HDAC4: variants seen among roughly 807,000 people sequenced by gnomAD.
HDAC4 encodes the protein histone deacetylase A.
In HDAC4, 16 loss-of-function variants were observed where a neutral mutation model predicts 135.1. That is an observed-to-expected ratio of 0.12 (90% CI 0.08 to 0.18). HDAC4 has a LOEUF of 0.18. Among genes scored for constraint, HDAC4 ranks in the 10% least tolerant of loss-of-function variants. HDAC4 has a pLI of 1.00. For missense variants in HDAC4, 1,143 were observed against 1,511.8 expected, an observed-to-expected ratio of 0.76 and a Z score of 4.05; for synonymous variants, 685 against 653.4, an observed-to-expected ratio of 1.05 and a Z score of -0.74.
In HDAC4 at chr2:239,051,971, T is replaced by G. The variant is rs906799669; in HGVS notation, c.*1126A>C. ...TATATATTATACATATATATATTTA[T>G]TTATACCTAAAATTTAAGCAATACT... On this transcript the variant is annotated 3_prime_UTR_variant, in exon 27 of 27. Transcript: ENST00000543185. 6.6e-6 allele frequency: 1 copy of G among 152,020 alleles called. No homozygotes were observed. The highest frequency in any genetic ancestry group is 2.4e-5 in the African/African-American group (1 of 41,344). 9.4% of individuals were successfully genotyped at this position (152,020 alleles called of 1,614,324 possible).
intron 2 of HDAC4, among the ~76,000 whole-genome samples, chr2:239,273,285 C>T (rs775970236): frequency 1.1e-4 from 17 of 152,138 alleles, no homozygotes; most frequent in Non-Finnish European, 2.4e-4. Context: ...ATGAGAGTAA[C>T]AGCAGCAAAG....
chr2:239,118,463 C>T (rs927905849), intron 12 of HDAC4, among the ~76,000 whole-genome samples: 12 of 152,108 alleles, frequency 7.9e-5, no homozygotes, highest in Non-Finnish European at 1.5e-4. Flanking sequence ...AAGCCAAACT[C>T]GCAGGGAGGA....
At position 239,309,918 on chromosome 2, in the gene HDAC4, G is replaced by A. The variant is rs1341774051; in HGVS notation, c.22+42760C>T. Among the ~76,000 whole-genome samples, 2 of 152,314 alleles carry A rather than the reference G, an allele frequency of 1.3e-5. No homozygotes were observed. Among genetic ancestry groups the A allele is most frequent in the African/African-American group, 4.8e-5 (2 of 41,566 alleles). On this transcript the variant is annotated intron_variant, in intron 2 of 26. Coordinates refer to ENST00000543185, the MANE Select transcript of HDAC4 (RefSeq NM_001378414.1). The surrounding 1 kb of genome is among the most constrained non-coding windows in gnomAD (Gnocchi z 4.2). Reference sequence around the variant, plus strand: ...TCCCATGCTGCTGCCTGGTCCCATGGGGCATGAAGGGAGGGTGGCCAGGGT... The same window carrying A: ...TCCCATGCTGCTGCCTGGTCCCATGAGGCATGAAGGGAGGGTGGCCAGGGT...
At chr2:239,138,011 A>G (rs909864936) in intron 9 of HDAC4, among the ~76,000 whole-genome samples, 3 of 152,236 alleles carry the variant, frequency 2.0e-5, no homozygotes, top group African/African-American at 7.2e-5. Context: ...TACCATGTAC[A>G]TAAGTGCCTC....
Position 239,053,106 on chromosome 2 carries a change from C to A in HDAC4, c.3261G>T (p.Pro1087=), listed in dbSNP as rs756905519. Residue 1087 remains proline (P), a synonymous_variant, in exon 27 of 27, where the codon CCG becomes CCT. Coordinates refer to ENST00000543185, the MANE Select transcript of HDAC4 (RefSeq NM_001378414.1). ...CAGCTTCGAGGGAGTGCTACAGGGGCGGCTCCTCTTCCATGGGCTCCTCAT... is the reference window on the plus strand; with the variant it reads ...CAGCTTCGAGGGAGTGCTACAGGGGAGGCTCCTCTTCCATGGGCTCCTCAT... ...RPDEEPMEEE[P]PL is the part of the protein sequence containing the mutation. 3.1e-6 allele frequency: 5 copies of A among 1,614,212 alleles called. No individual in the cohort carries two copies. Among genetic ancestry groups the A allele is most frequent in the Non-Finnish European group, 4.2e-6 (5 of 1,180,024 alleles).
chr2:239,050,768 T>C lies in HDAC4; in HGVS notation c.*2329A>G, dbSNP rs2030725881. 3.9e-5 allele frequency: 6 copies of C among 152,570 alleles called. No homozygotes were observed. Among genetic ancestry groups the C allele is most frequent in the Admixed American group, 2.0e-4 (3 of 15,280 alleles). The allele number at this position is 152,570 out of a possible 1,614,324, so 9.5% of individuals were successfully genotyped here. A position where few individuals can be genotyped will look rare whatever the true frequency, so the allele number is the denominator to read the frequency against. ...CCCAATATACACTTTGGAATGAAAC[T>C]GGTGGCTTCATGTGCTGGAAAATAA... On this transcript the variant is annotated 3_prime_UTR_variant, in exon 27 of 27. Coordinates refer to ENST00000543185, the MANE Select transcript of HDAC4 (RefSeq NM_001378414.1).
chr2:239,141,430 G>A lies in HDAC4; in HGVS notation c.866-1634C>T, dbSNP rs2041369942. 6.6e-6 allele frequency among the ~76,000 whole-genome samples: 1 copy of A among 152,080 alleles called. No individual in the cohort carries two copies. Among genetic ancestry groups the A allele is most frequent in the South Asian group, 2.1e-4 (1 of 4,816 alleles). On this transcript the variant is annotated intron_variant, in intron 8 of 26. Transcript: ENST00000543185. This position sits in a 1 kb window ranked among gnomAD's most constrained non-coding sequence, Gnocchi z 4.9. ...CCTACCCCATCCTCTTTCTTTCCCT[G>A]GCCCTCTCACCCTCTCACTTCCACC...
chr2:239,158,793 G>C (rs2042588388), intron 6 of HDAC4, among the ~76,000 whole-genome samples: 1 of 152,040 alleles, frequency 6.6e-6, no homozygotes, highest in Non-Finnish European at 1.5e-5. Flanking sequence ...GCCCAGCCCT[G>C]GTCACATGGT....
In HDAC4 at chr2:239,262,351, C is replaced by T. The variant is rs1260666220; in HGVS notation, c.23-25687G>A. 6.6e-6 allele frequency among the ~76,000 whole-genome samples: 1 copy of T among 152,166 alleles called. No homozygotes were observed. The highest frequency in any genetic ancestry group is 1.5e-5 in the Non-Finnish European group (1 of 68,032). On this transcript the variant is annotated intron_variant, in intron 2 of 26. Coordinates refer to ENST00000543185, the MANE Select transcript of HDAC4 (RefSeq NM_001378414.1). The surrounding 1 kb of genome is among the most constrained non-coding windows in gnomAD (Gnocchi z 4.1). ...TTAGAAACAGAGTAGCAATTTGGTT[C>T]TCTGCGGAATCGTAAGTGGAAGGGA...
chr2:239,304,622 G>A (rs2052468647), intron 2 of HDAC4, among the ~76,000 whole-genome samples: 1 of 152,108 alleles, frequency 6.6e-6, no homozygotes, highest in Non-Finnish European at 1.5e-5. Context: ...CACACACAAG[G>A]CAGTGCCCCT....
chr2:239,142,123 G>A (rs1244553943), intron 8 of HDAC4, among the ~76,000 whole-genome samples: 1 of 152,166 alleles, frequency 6.6e-6, no homozygotes, highest in African/African-American at 2.4e-5. Flanking sequence ...GGAATGTGCA[G>A]AGTGAGCAGG....
Position 239,134,457 on chromosome 2 carries a change from C to A in HDAC4, c.1096-14G>T. On this transcript the variant is annotated splice_polypyrimidine_tract_variant and intron_variant, in intron 10 of 26. Coordinates refer to ENST00000543185, the MANE Select transcript of HDAC4 (RefSeq NM_001378414.1). ...GCCCGCCGTGCCCTGGAAAGCACAG[C>A]CAGGATGCTCGGGTGGAAGGACCCA... 1 of 1,613,772 alleles carries A rather than the reference C, an allele frequency of 6.2e-7. No individual in the cohort carries two copies. The highest frequency in any genetic ancestry group is 8.5e-7 in the Non-Finnish European group (1 of 1,179,904).
intron 3 of HDAC4, among the ~76,000 whole-genome samples, chr2:239,227,654 A>G (rs1175877214): frequency 1.3e-5 from 2 of 152,196 alleles, no homozygotes; most frequent in Admixed American, 1.3e-4. Flanking sequence ...AAGGAGCGGG[A>G]GGCAGCCCTG....
chr2:239,244,040 C>T (rs755618317), intron 2 of HDAC4, among the ~76,000 whole-genome samples: 10 of 152,164 alleles, frequency 6.6e-5, no homozygotes, highest in Non-Finnish European at 1.3e-4. Context: ...TGTGCTTCAA[C>T]TGGGGTTTGT....
At chr2:239,117,222 G>T (rs117696290) in intron 12 of HDAC4, among the ~76,000 whole-genome samples, 1 of 152,204 alleles carries the variant, frequency 6.6e-6, no homozygotes, top group Admixed American at 6.5e-5. Flanking sequence ...TGCCGGAGAC[G>T]AGGTGGGGCT....
intron 7 of HDAC4, among the ~76,000 whole-genome samples, chr2:239,149,955 A>T (rs1379826452): frequency 1.3e-5 from 2 of 152,228 alleles, no homozygotes; most frequent in Non-Finnish European, 2.9e-5. Flanking sequence ...CTCCATTTTC[A>T]GGAACCTTTC....
chr2:239,293,237 C>T (rs1212587205), intron 2 of HDAC4, among the ~76,000 whole-genome samples: 1 of 152,212 alleles, frequency 6.6e-6, no homozygotes, highest in African/African-American at 2.4e-5. Context: ...CTCTTCTCGA[C>T]AGATCCCAGC....
At chr2:239,234,573 G>C (rs1406684317) in intron 3 of HDAC4, among the ~76,000 whole-genome samples, 1 of 152,204 alleles carries the variant, frequency 6.6e-6, no homozygotes, top group Non-Finnish European at 1.5e-5. Flanking sequence ...CTACTAAAAA[G>C]CTGACACATA....
intron 7 of HDAC4, among the ~76,000 whole-genome samples, chr2:239,153,315 C>G (rs569706871): frequency 1.3e-5 from 2 of 152,298 alleles, no homozygotes; most frequent in East Asian, 3.8e-4. Context: ...AACTGTGTGC[C>G]GGGTCAGGAT....
Sources: gnomAD v4.1 joint callset for allele counts (sites outside exome capture counted in the v4.1 genomes callset) on GRCh38, gnomAD v4.1.1 for gene constraint, Gnocchi (gnomAD v3.1) non-coding constraint, MANE v1.5 for transcripts, NCBI Gene and HGNC (gene_info 2026-07-23, HGNC 2026-07-21) for gene names.